Variants in RPH3A observed in about 807,000 individuals in gnomAD.
RPH3A encodes the protein rabphilin-3A.
Under a neutral mutation model 102.2 loss-of-function variants are expected in RPH3A, and 48 were observed. That is an observed-to-expected ratio of 0.47 (90% CI 0.37 to 0.60). The LOEUF (loss-of-function observed/expected upper bound fraction) is 0.60. Among genes scored for constraint, RPH3A ranks in the 20% least tolerant of loss-of-function variants. The pLI, the probability that RPH3A is intolerant of heterozygous loss-of-function variation, is 0.00. For synonymous variants in RPH3A, 310 were observed against 324.3 expected, an observed-to-expected ratio of 0.96 and a Z score of 0.47; for missense variants, 781 against 910.1, an observed-to-expected ratio of 0.86 and a Z score of 1.83.
chr12:112,597,705 A>G (rs1291088456), intron 1 of RPH3A, among the ~76,000 whole-genome samples: 1 of 152,228 alleles, frequency 6.6e-6, no homozygotes, highest in Non-Finnish European at 1.5e-5. Flanking sequence ...TGTGTCAGGA[A>G]GGTGCATGAA....
chr12:112,740,981 C>T (rs2040704971), intron 1 of RPH3A, among the ~76,000 whole-genome samples: 1 of 152,168 alleles, frequency 6.6e-6, no homozygotes, highest in Admixed American at 6.5e-5. Context: ...GGCTTTTGCA[C>T]TCCCAGTCAC....
chr12:112,711,617 C>T (rs894276033), intron 1 of RPH3A, among the ~76,000 whole-genome samples: 1 of 152,126 alleles, frequency 6.6e-6, no homozygotes, highest in African/African-American at 2.4e-5. Context: ...ATAAAGCTTT[C>T]CTTTCCTTGT....
chr12:112,779,259 G>A (rs577225764), intron 1 of RPH3A, among the ~76,000 whole-genome samples: 37 of 152,314 alleles, frequency 2.4e-4, no homozygotes, highest in African/African-American at 7.2e-4. Context: ...GCCTAAAGGC[G>A]CTTCAGCAAG....
At chr12:112,586,305 G>A (rs546698838) in intron 1 of RPH3A, among the ~76,000 whole-genome samples, 1 of 152,238 alleles carries the variant, frequency 6.6e-6, no homozygotes, top group Admixed American at 6.5e-5. Context: ...GGGAAGGCAG[G>A]CAATACACAA....
intron 1 of RPH3A, among the ~76,000 whole-genome samples, chr12:112,754,520 T>A (rs1267825558): frequency 6.6e-6 from 1 of 152,130 alleles, no homozygotes; most frequent in East Asian, 1.9e-4. Context: ...GGGTAGAAAT[T>A]CGGTTCAAGG....
intron 3 of RPH3A, among the ~76,000 whole-genome samples, chr12:112,830,416 C>T (rs1431647967): frequency 1.3e-5 from 2 of 152,016 alleles, no homozygotes; most frequent in Admixed American, 6.5e-5. Flanking sequence ...GATACTTAGT[C>T]TTTGAAATGT....
intron 2 of RPH3A, among the ~76,000 whole-genome samples, chr12:112,825,989 C>G (rs1225599221): frequency 2.0e-5 from 3 of 152,070 alleles, no homozygotes; most frequent in Non-Finnish European, 4.4e-5. Flanking sequence ...GCAGGTCTGT[C>G]ACTCAGGTAA....
At chr12:112,813,305 G>A (rs1294442096) in intron 2 of RPH3A, 4 of 152,226 alleles carry the variant, frequency 2.6e-5, no homozygotes, top group Admixed American at 1.3e-4. Flanking sequence ...TTGATGTTTT[G>A]AGGGTTGTGT....
upstream of RPH3A, among the ~76,000 whole-genome samples, chr12:112,788,023 T>C (rs1397117757): frequency 6.6e-6 from 1 of 152,252 alleles, no homozygotes; most frequent in African/African-American, 2.4e-5. Flanking sequence ...TTGAGAAGTC[T>C]GGGTTTTGAG....
intron 1 of RPH3A, among the ~76,000 whole-genome samples, chr12:112,588,378 T>C (rs933953172): frequency 3.4e-5 from 5 of 148,186 alleles, no homozygotes; most frequent in African/African-American, 1.0e-4. Flanking sequence ...AGCAAAGGCA[T>C]GTCTTACATG....
chr12:112,659,686 T>C (rs922234788), intron 1 of RPH3A, among the ~76,000 whole-genome samples: 1 of 152,200 alleles, frequency 6.6e-6, no homozygotes, highest in African/African-American at 2.4e-5. Flanking sequence ...CTCATCTAAC[T>C]TTATCTTTCT....
At chr12:112,881,893 G>T in intron 15 of RPH3A, 47 bp downstream of exon 15, 2 of 1,489,854 alleles carry the variant, frequency 1.3e-6, no homozygotes, top group Non-Finnish European at 1.9e-6. Context: ...CATGGGCCCT[G>T]GCAGATACCC....
At chr12:112,804,481 C>T (rs1374897031) in intron 2 of RPH3A, among the ~76,000 whole-genome samples, 1 of 152,242 alleles carries the variant, frequency 6.6e-6, no homozygotes, top group African/African-American at 2.4e-5. Context: ...CATCAGCAAA[C>T]TGTTGGGCTC....
chr12:112,861,867 G>A (rs2042518855), intron 5 of RPH3A, among the ~76,000 whole-genome samples: 1 of 152,046 alleles, frequency 6.6e-6, no homozygotes, highest in African/African-American at 2.4e-5. Flanking sequence ...CAAAAAATTA[G>A]CCAGGCGCGA....
intron 10 of RPH3A, among the ~76,000 whole-genome samples, chr12:112,871,713 T>TAC (rs1380825859): frequency 3.3e-5 from 5 of 149,506 alleles, no homozygotes; most frequent in African/African-American, 9.8e-5. Flanking sequence ...TATATATATA[T>TAC]ACACACACAT....
At chr12:112,647,316 A>T (rs957707230) in intron 1 of RPH3A, among the ~76,000 whole-genome samples, 4 of 152,292 alleles carry the variant, frequency 2.6e-5, no homozygotes, top group Admixed American at 2.0e-4. Flanking sequence ...TGTGACCCTG[A>T]GCGAGTCTCT....
chr12:112,649,934 T>C (rs1053905787), intron 1 of RPH3A, among the ~76,000 whole-genome samples: 6 of 152,240 alleles, frequency 3.9e-5, no homozygotes, highest in Non-Finnish European at 8.8e-5. Flanking sequence ...TCCACCCTAC[T>C]GGCCTCATTT....
chr12:112,796,549 C>G (rs1382377798), intron 2 of RPH3A, among the ~76,000 whole-genome samples: 1 of 152,210 alleles, frequency 6.6e-6, no homozygotes, highest in African/African-American at 2.4e-5. Flanking sequence ...GGCCTGCATA[C>G]AGTAGGTGCT....
At chr12:112,785,034 C>T (rs1317911597) in intron 1 of RPH3A, among the ~76,000 whole-genome samples, 1 of 151,978 alleles carries the variant, frequency 6.6e-6, no homozygotes, top group Non-Finnish European at 1.5e-5. Flanking sequence ...ACCAACCTGA[C>T]CAACATGGAG....
Sources: allele counts gnomAD v4.1 joint callset (sites outside exome capture counted in the v4.1 genomes callset), GRCh38; gene constraint gnomAD v4.1.1; transcripts MANE v1.5; gene names NCBI Gene and HGNC (gene_info 2026-07-23, HGNC 2026-07-21).